DLG1: variants seen among roughly 807,000 people sequenced by gnomAD.
DLG1 encodes the protein discs large MAGUK scaffold protein 1, also known as disks large homolog 1.
In DLG1, 42 loss-of-function variants were observed where a neutral mutation model predicts 123.4. That is an observed-to-expected ratio of 0.34 (90% CI 0.27 to 0.44). The LOEUF (loss-of-function observed/expected upper bound fraction) is 0.44. DLG1 is among the 20% of genes least tolerant of loss of function. DLG1 has a pLI of 1.00. For synonymous variants in DLG1, 317 were observed against 356.2 expected, an observed-to-expected ratio of 0.89 and a Z score of 1.24; for missense variants, 942 against 1,082.6, an observed-to-expected ratio of 0.87 and a Z score of 1.82.
At chr3:197,229,763 GA>G (rs1395326074) in intron 4 of DLG1, among the ~76,000 whole-genome samples, 31 of 152,188 alleles carry the variant, frequency 2.0e-4, no homozygotes, top group African/African-American at 7.0e-4. Context: ...TTGCTTTTTT[GA>G]AAATCATACC....
At chr3:197,214,016 C>A (rs1732685384) in intron 4 of DLG1, among the ~76,000 whole-genome samples, 1 of 152,048 alleles carries the variant, frequency 6.6e-6, no homozygotes, top group African/African-American at 2.4e-5. Flanking sequence ...CAAAGAGAAA[C>A]AAAGTGTTGA....
chr3:197,057,430 G>A (rs1414806847), intron 23 of DLG1, among the ~76,000 whole-genome samples: 1 of 152,134 alleles, frequency 6.6e-6, no homozygotes, highest in African/African-American at 2.4e-5. Context: ...ACCTGTCTTT[G>A]TAAACACAGG....
At chr3:197,232,585 A>G (rs1156979641) in intron 4 of DLG1, among the ~76,000 whole-genome samples, 1 of 152,124 alleles carries the variant, frequency 6.6e-6, no homozygotes. Context: ...CTAGATCCAA[A>G]TCTTGAACAT....
intron 23 of DLG1, 109 bp downstream of exon 23, chr3:197,059,780 A>G (rs1734500691): frequency 4.4e-6 from 3 of 687,994 alleles, no homozygotes; most frequent in Admixed American, 5.6e-5. Flanking sequence ...TAAACATACT[A>G]CTATTATCTC....
At chr3:197,166,708 G>A (rs1054744225) in intron 5 of DLG1, among the ~76,000 whole-genome samples, 2 of 152,162 alleles carry the variant, frequency 1.3e-5, no homozygotes, top group African/African-American at 4.8e-5. Flanking sequence ...TGGCCAACAT[G>A]ATGAAATTCT....
At chr3:197,048,814 CCCGG>C (rs1725216730) in intron 24 of DLG1, among the ~76,000 whole-genome samples, 1 of 152,058 alleles carries the variant, frequency 6.6e-6, no homozygotes, top group African/African-American at 2.4e-5. Flanking sequence ...CACCACCACG[CCCGG>C]CTAATTTTGT....
intron 5 of DLG1, among the ~76,000 whole-genome samples, chr3:197,188,724 G>C (rs1475677453): frequency 6.6e-6 from 1 of 152,020 alleles, no homozygotes; most frequent in Non-Finnish European, 1.5e-5. Context: ...CTCTATATTA[G>C]CTTTTATTTT....
intron 23 of DLG1, among the ~76,000 whole-genome samples, chr3:197,054,168 T>G (rs1378365920): frequency 6.6e-6 from 1 of 152,218 alleles, no homozygotes; most frequent in Admixed American, 6.5e-5. Flanking sequence ...AGTTGCTGCT[T>G]TCAAGATTCT....
intron 10 of DLG1, among the ~76,000 whole-genome samples, chr3:197,132,060 CTCT>C (rs1346981772): frequency 1.3e-5 from 2 of 151,994 alleles, no homozygotes; most frequent in African/African-American, 4.8e-5. Context: ...TCATAATAGT[CTCT>C]TGTTTTCCCT....
intron 24 of DLG1, among the ~76,000 whole-genome samples, chr3:197,047,207 A>T (rs1438067863): frequency 6.6e-6 from 1 of 152,244 alleles, no homozygotes; most frequent in African/African-American, 2.4e-5. Context: ...CTATGATTCT[A>T]TAAGGGAATA....
At chr3:197,095,707 T>G (rs910751638) in intron 14 of DLG1, among the ~76,000 whole-genome samples, 9 of 152,234 alleles carry the variant, frequency 5.9e-5, no homozygotes, top group Non-Finnish European at 1.2e-4. Context: ...AATAAATTAC[T>G]GAAACTGTGT....
intron 10 of DLG1, among the ~76,000 whole-genome samples, chr3:197,131,561 AAT>A (rs1470450356): frequency 6.6e-6 from 1 of 151,024 alleles, no homozygotes; most frequent in African/African-American, 2.4e-5. Flanking sequence ...GACATCAGCA[AAT>A]ATAGTTTTAT....
rs906006224 is a variant in DLG1 at position 197,049,034 on chromosome 3, T to C, written c.2575+2543A>G. Among the ~76,000 whole-genome samples, 4 of 152,018 alleles carry C rather than the reference T, an allele frequency of 2.6e-5. No homozygotes were observed. The South Asian group carries it at 6.2e-4, about 24-fold the overall frequency. ...CGATATATATACAAAGGAAAGGAAA[T>C]TGGGCCAGGCGTGGTGGCTCACACC... is the stretch of plus-strand genomic sequence containing the variant. On this transcript the variant is annotated intron_variant, in intron 24 of 24. Transcript: ENST00000667157.
At chr3:197,085,855 A>G in intron 15 of DLG1, 99 bp from the exon 16 acceptor site, 1 of 1,134,580 alleles carries the variant, frequency 8.8e-7, no homozygotes, top group South Asian at 1.6e-5. Flanking sequence ...AATTAAATAT[A>G]TCATAGTAGG....
intron 23 of DLG1, 46 bp downstream of exon 23, chr3:197,059,843 G>T: frequency 7.7e-7 from 1 of 1,291,514 alleles, no homozygotes; most frequent in Non-Finnish European, 1.1e-6. Flanking sequence ...ACCCTACAGT[G>T]ACTGAATTTG....
Position 197,081,084 on chromosome 3 carries a change from T to C in DLG1, c.1872A>G (p.Thr624=). 1.2e-6 allele frequency: 2 copies of C among 1,613,514 alleles called. No homozygotes were observed. The highest frequency in any genetic ancestry group is 8.5e-7 in the Non-Finnish European group (1 of 1,179,660). ...VEKKERARLK[T]VKFNSKTRDK... is the part of the protein sequence containing the mutation. The stretch of plus-strand genomic sequence containing the variant: ...CTCTCGTTTTAGAATTGAATTTCAC[T>C]GTTTTTAATCGGGCTCGTTCTTTCT... The change falls in exon 17 of 25, where the codon ACA becomes ACG. Residue 624 remains threonine (T), a synonymous_variant. Transcript: ENST00000667157.
intron 24 of DLG1, among the ~76,000 whole-genome samples, chr3:197,046,648 T>C (rs777543577): frequency 6.6e-6 from 1 of 152,022 alleles, no homozygotes; most frequent in Non-Finnish European, 1.5e-5. Flanking sequence ...AAGGTGAAGG[T>C]GGGCGGATTG....
intron 24 of DLG1, among the ~76,000 whole-genome samples, chr3:197,046,825 G>A (rs932768035): frequency 1.3e-5 from 2 of 151,928 alleles, no homozygotes; most frequent in Non-Finnish European, 2.9e-5. Context: ...AACTGAGATC[G>A]CACCATTGCA....
chr3:197,254,833 G>A (rs1756068169), intron 4 of DLG1, among the ~76,000 whole-genome samples: 1 of 152,066 alleles, frequency 6.6e-6, no homozygotes, highest in South Asian at 2.1e-4. Context: ...ATCACCTCCT[G>A]AGGTCAGGAG....
Sources: gnomAD v4.1 joint callset for allele counts (sites outside exome capture counted in the v4.1 genomes callset) on GRCh38, gnomAD v4.1.1 for gene constraint, MANE v1.5 for transcripts, NCBI Gene and HGNC (gene_info 2026-07-23, HGNC 2026-07-21) for gene names.